Variants in DPY19L1 observed in about 807,000 individuals in gnomAD.
DPY19L1 encodes the protein dpy-19 like C-mannosyltransferase 1.
In DPY19L1, 35 loss-of-function variants were observed where a neutral mutation model predicts 96.9. That is an observed-to-expected ratio of 0.36 (90% CI 0.28 to 0.48). The LOEUF (loss-of-function observed/expected upper bound fraction) is 0.48. Among genes scored for constraint, DPY19L1 ranks in the 20% least tolerant of loss-of-function variants. DPY19L1 has a pLI of 0.99. For synonymous variants in DPY19L1, 205 were observed against 252.6 expected, an observed-to-expected ratio of 0.81 and a Z score of 1.79; for missense variants, 521 against 777.9, an observed-to-expected ratio of 0.67 and a Z score of 3.93.
intron 7 of DPY19L1, among the ~76,000 whole-genome samples, chr7:34,986,360 T>G (rs1334183818): frequency 3.3e-5 from 5 of 152,076 alleles, no homozygotes; most frequent in African/African-American, 9.6e-5. Flanking sequence ...CTTGATTGAC[T>G]CTTTCTACAA....
chr7:35,003,934 C>T (rs970732876), intron 6 of DPY19L1, among the ~76,000 whole-genome samples: 3 of 152,178 alleles, frequency 2.0e-5, no homozygotes, highest in Non-Finnish European at 4.4e-5. Context: ...TTTCCTGGTC[C>T]TTTTCTCTGC....
At chr7:34,982,383 ATGTC>A (rs1784957872) in intron 7 of DPY19L1, among the ~76,000 whole-genome samples, 1 of 152,214 alleles carries the variant, frequency 6.6e-6, no homozygotes, top group African/African-American at 2.4e-5. Context: ...GATTAGAAAA[ATGTC>A]TGTGTCAGTG....
rs1424529574 is a variant in DPY19L1 at position 34,951,920 on chromosome 7, G to GA, written c.1321-2023dup. 5.9e-5 allele frequency among the ~76,000 whole-genome samples: 9 copies of GA among 151,688 alleles called. No individual in the cohort carries two copies. The East Asian group carries it at 1.4e-3, about 23-fold the overall frequency. On this transcript the variant is annotated intron_variant, in intron 13 of 21. Transcript: ENST00000638088. ...CCTAGGTAAAATGGATACATTTCTG[G>GA]AAAATCATAAAACACCAACACTGGC...
intron 10 of DPY19L1, among the ~76,000 whole-genome samples, chr7:34,965,483 T>G (rs1185801517): frequency 3.9e-5 from 6 of 152,062 alleles, no homozygotes; most frequent in Admixed American, 3.9e-4. Flanking sequence ...GAAAAGCAAA[T>G]TGATTACAAT....
chr7:34,961,785 A>G (rs1356925125), intron 10 of DPY19L1, among the ~76,000 whole-genome samples: 1 of 152,212 alleles, frequency 6.6e-6, no homozygotes, highest in Non-Finnish European at 1.5e-5. Flanking sequence ...CAATAAGGAA[A>G]TGAACAACCC....
rs375068692 is a variant in DPY19L1, at chr7:34,990,947, C to G, written c.765-1006G>C. 2.2e-4 allele frequency among the ~76,000 whole-genome samples: 34 copies of G among 152,162 alleles called. 1 individual carries two copies. In the South Asian group the frequency reaches 3.5e-3, roughly 16 times the overall value. ...CCTTGTATTTACTCTTGTGATGTAT[C>G]AATGAGGAAAAGAGGAAGAGATGCA... On this transcript the variant is annotated intron_variant, in intron 6 of 21. Transcript: ENST00000638088.
chr7:35,018,647 C>T, intron 1 of DPY19L1, 51 bp from the exon 2 acceptor site: 1 of 1,508,142 alleles, frequency 6.6e-7, no homozygotes, highest in Non-Finnish European at 9.1e-7. Context: ...ACATGTTCAT[C>T]TTACAGAAAA....
intron 11 of DPY19L1, among the ~76,000 whole-genome samples, chr7:34,957,189 C>G (rs921694539): frequency 1.3e-5 from 2 of 151,778 alleles, no homozygotes; most frequent in African/African-American, 4.8e-5. Context: ...TAGAGACCAG[C>G]CTGACCAACA....
chr7:34,988,592 C>T lies in DPY19L1; in HGVS notation c.822+1292G>A, dbSNP rs1365753181. Reference sequence around the variant, plus strand: ...TGACTAAAAAGAAGTCCAGCATTGACTCTGCATTATGTTTGGAGATGATTA... The same window carrying T: ...TGACTAAAAAGAAGTCCAGCATTGATTCTGCATTATGTTTGGAGATGATTA... On this transcript the variant is annotated intron_variant, in intron 7 of 21. Transcript: ENST00000638088. Among the ~76,000 whole-genome samples the T allele has an allele frequency of 2.6e-5, 4 of 152,080 alleles. No individual in the cohort carries two copies. The East Asian group carries it at 7.7e-4, about 29-fold the overall frequency.
At chr7:34,995,941 C>T (rs1482784586) in intron 6 of DPY19L1, among the ~76,000 whole-genome samples, 1 of 151,328 alleles carries the variant, frequency 6.6e-6, no homozygotes, top group Non-Finnish European at 1.5e-5. Context: ...GGGGGATTCA[C>T]TGGTTACTAA....
In DPY19L1 at chr7:34,957,965, A is replaced by C; in HGVS notation, c.1179+19T>G. On this transcript the variant is annotated intron_variant, in intron 11 of 21. Transcript: ENST00000638088. ...CATTAGTTTCAAAAACAGCCATATA[A>C]GTGTTAAGGAATACTTACCCAAATA... 1 of 1,480,828 alleles carries C rather than the reference A, an allele frequency of 6.8e-7. No individual in the cohort carries two copies. The highest frequency in any genetic ancestry group is 2.1e-5 in the Admixed American group (1 of 46,954). 91.7% of individuals were successfully genotyped at this position (1,480,828 alleles called of 1,614,324 possible).
intron 11 of DPY19L1, among the ~76,000 whole-genome samples, chr7:34,956,127 T>C (rs1390455331): frequency 5.3e-5 from 8 of 152,214 alleles, no homozygotes; most frequent in African/African-American, 1.9e-4. Flanking sequence ...TCTAGCAGCA[T>C]ACCTGACATA....
chr7:34,931,597 T>G lies in DPY19L1; in HGVS notation c.2223A>C (p.Lys741Asn). 1 of 1,548,204 alleles carries G rather than the reference T, an allele frequency of 6.5e-7. No homozygotes were observed. The highest frequency in any genetic ancestry group is 1.3e-5 in the South Asian group (1 of 77,672). The change falls in exon 22 of 22, where the codon AAA becomes AAC. Residue 741 changes from lysine (K) to asparagine (N), a missense_variant. Physicochemically the swap from Lys to Asn is moderately conservative, Grantham distance 94 (BLOSUM62 0). Transcript: ENST00000638088. ...FTTVFQNSVY[K>N]VLEVVKE Reference sequence around the variant, plus strand: ...GTCATTCTTTTACAACTTCTAGGACTTTGTAAACACTGTTCTGGAATACAG... The same window carrying G: ...GTCATTCTTTTACAACTTCTAGGACGTTGTAAACACTGTTCTGGAATACAG...
chr7:34,976,451 C>T (rs1784832580), intron 7 of DPY19L1, among the ~76,000 whole-genome samples: 1 of 152,164 alleles, frequency 6.6e-6, no homozygotes, highest in South Asian at 2.1e-4. Context: ...GGATCTACTA[C>T]TGGTGAAGAT....
rs1330577045 is a variant in DPY19L1 at position 34,967,353 on chromosome 7, T to A, written c.1015-382A>T. On this transcript the variant is annotated intron_variant, in intron 9 of 21. Coordinates refer to ENST00000638088, the MANE Select transcript of DPY19L1 (RefSeq NM_001366673.1). ...CATAATTGGGGAAGGTACATTTAAC[T>A]GAAAAATAATTATGCAATGCATGTG... Among the ~76,000 whole-genome samples the A allele has an allele frequency of 4.6e-5, 7 of 152,310 alleles. No individual in the cohort carries two copies. The South Asian group carries it at 1.4e-3, about 32-fold the overall frequency.
chr7:34,959,935 A>ATATATATATATT (rs1784467809), intron 10 of DPY19L1, among the ~76,000 whole-genome samples: 2 of 130,462 alleles, frequency 1.5e-5, no homozygotes, highest in Non-Finnish European at 3.6e-5. Context: ...TTATATATAT[A>ATATATATATATT]TATATATATA....
rs923043407 is a variant in DPY19L1 at position 34,930,188 on chromosome 7, T to C, written c.*1385A>G. The stretch of plus-strand genomic sequence containing the variant: ...AAGAAAGAGAAGCTGTATAATTAAA[T>C]GTGTAGTCTGTCAGCCATAGTCACG... On this transcript the variant is annotated 3_prime_UTR_variant, in exon 22 of 22. Coordinates refer to ENST00000638088, the MANE Select transcript of DPY19L1 (RefSeq NM_001366673.1). The C allele has an allele frequency of 1.3e-5, 2 of 152,234 alleles. No individual in the cohort carries two copies. The highest frequency in any genetic ancestry group is 4.8e-5 in the African/African-American group (2 of 41,464). 9.4% of individuals were successfully genotyped at this position (152,234 alleles called of 1,614,324 possible).
At chr7:34,986,260 T>G (rs970356265) in intron 7 of DPY19L1, among the ~76,000 whole-genome samples, 1 of 152,016 alleles carries the variant, frequency 6.6e-6, no homozygotes, top group Non-Finnish European at 1.5e-5. Context: ...CTACAGTTAA[T>G]GTATTGCATA....
At position 34,949,893 on chromosome 7, in the gene DPY19L1, A is replaced by G. The variant is rs770147327; in HGVS notation, c.1326T>C (p.His442=). 1.0e-4 allele frequency: 160 copies of G among 1,544,922 alleles called. No homozygotes were observed. The highest frequency in any genetic ancestry group is 1.6e-4 in the Admixed American group (9 of 54,876). ...ATTTTGATGTTAGTAAGTTGCCAATATGAGCCTGGTAAGAAATAAAGTTAC... is the reference window on the plus strand; with the variant it reads ...ATTTTGATGTTAGTAAGTTGCCAATGTGAGCCTGGTAAGAAATAAAGTTAC... The part of the protein sequence containing the change: ...SKIFGIADDA[H]IGNLLTSKFF... The change falls in exon 14 of 22, where the codon CAT becomes CAC. Residue 442 remains histidine, a synonymous_variant. Transcript: ENST00000638088.
Sources: allele counts gnomAD v4.1 joint callset (sites outside exome capture counted in the v4.1 genomes callset), GRCh38; gene constraint gnomAD v4.1.1; transcripts MANE v1.5; gene names NCBI Gene and HGNC (gene_info 2026-07-23, HGNC 2026-07-21).